PCDHA13: variants seen among roughly 807,000 people sequenced by gnomAD.
The protein encoded by PCDHA13 is protocadherin alpha 13.
In PCDHA13, 54 loss-of-function variants were observed where a neutral mutation model predicts 64.8. That is an observed-to-expected ratio of 0.83 (90% CI 0.67 to 1.04). PCDHA13 has a LOEUF of 1.04. PCDHA13 is among the 50% of genes least tolerant of loss of function. PCDHA13 has a pLI of 0.00. For missense variants in PCDHA13, 1,248 were observed against 1,254.3 expected (o/e 0.99, Z 0.08); for synonymous variants, 587 against 564.4 (o/e 1.04, Z -0.57).
chr5:140,927,486 C>T (rs782314357), intron 1 of PCDHA13: 11 of 1,614,010 alleles, frequency 6.8e-6, no homozygotes, highest in Non-Finnish European at 8.5e-6. Flanking sequence ...AGCGCGCCAC[C>T]CACCTGCTGG....
chr5:140,924,052 A>G (rs948483906), intron 1 of PCDHA13, among the ~76,000 whole-genome samples: 1 of 152,244 alleles, frequency 6.6e-6, no homozygotes, highest in Non-Finnish European at 1.5e-5. Context: ...AGTTCGGTAC[A>G]TCTTTACAGT....
intron 1 of PCDHA13, among the ~76,000 whole-genome samples, chr5:140,920,933 C>G (rs1293177470): frequency 6.6e-6 from 1 of 151,360 alleles, no homozygotes; most frequent in Non-Finnish European, 1.5e-5. Flanking sequence ...GGTGATCTAG[C>G]CCTTTCATTC....
intron 1 of PCDHA13, among the ~76,000 whole-genome samples, chr5:140,912,042 A>G (rs782622902): frequency 6.6e-6 from 1 of 152,216 alleles, no homozygotes; most frequent in African/African-American, 2.4e-5. Flanking sequence ...CCAAGTCCCA[A>G]AGCTGAAGAA....
intron 1 of PCDHA13, among the ~76,000 whole-genome samples, chr5:140,897,068 T>A (rs2153455202): frequency 6.6e-6 from 1 of 152,252 alleles, no homozygotes; most frequent in East Asian, 1.9e-4. Context: ...CTATGTCTTA[T>A]TCATTTTTTC....
At chr5:140,927,471 C>A (rs1371582285) in intron 1 of PCDHA13, 2 of 1,613,968 alleles carry the variant, frequency 1.2e-6, no homozygotes, top group African/African-American at 1.3e-5. Flanking sequence ...CACTGGATCG[C>A]GAACAGCGCG....
At chr5:140,959,607 C>T (rs2095500489) in intron 1 of PCDHA13, among the ~76,000 whole-genome samples, 1 of 151,986 alleles carries the variant, frequency 6.6e-6, no homozygotes, top group African/African-American at 2.4e-5. Flanking sequence ...ACATGCTTTT[C>T]TTGCTTGTGA....
chr5:140,965,821 C>T (rs782710036), intron 1 of PCDHA13, among the ~76,000 whole-genome samples: 9 of 152,150 alleles, frequency 5.9e-5, no homozygotes, highest in Non-Finnish European at 1.0e-4. Flanking sequence ...GCATTTTAAA[C>T]ATTTAAATAT....
intron 2 of PCDHA13, among the ~76,000 whole-genome samples, chr5:140,981,925 T>C (rs2096957903): frequency 1.3e-5 from 2 of 152,160 alleles, no homozygotes; most frequent in South Asian, 2.1e-4. Flanking sequence ...CAAGTTTCTC[T>C]AGTCTCAGGA....
intron 1 of PCDHA13, among the ~76,000 whole-genome samples, chr5:140,936,014 T>C (rs1405282987): frequency 4.0e-5 from 6 of 151,334 alleles, no homozygotes; most frequent in Non-Finnish European, 8.8e-5. Flanking sequence ...CACCTCAGCC[T>C]CCCGAGTAGC....
chr5:140,981,940 T>A (rs2096958372), intron 2 of PCDHA13, among the ~76,000 whole-genome samples: 1 of 152,160 alleles, frequency 6.6e-6, no homozygotes, highest in Non-Finnish European at 1.5e-5. Flanking sequence ...TCAGGAAATA[T>A]AGGGTGGGTC....
At chr5:140,893,229 G>A (rs922723551) in intron 1 of PCDHA13, among the ~76,000 whole-genome samples, 3 of 152,212 alleles carry the variant, frequency 2.0e-5, no homozygotes, top group Non-Finnish European at 4.4e-5. Context: ...GTATCACTTT[G>A]ACATACTGGT....
chr5:140,929,613 C>A, intron 1 of PCDHA13: 6 of 406,162 alleles, frequency 1.5e-5, no homozygotes, highest in Non-Finnish European at 2.7e-5. Flanking sequence ...AATAAAATAC[C>A]AAAATATTTT....
intron 1 of PCDHA13, among the ~76,000 whole-genome samples, chr5:140,934,446 A>G (rs527371307): frequency 2.0e-5 from 3 of 152,188 alleles, no homozygotes; most frequent in Non-Finnish European, 4.4e-5. Context: ...ATAGTGAAAA[A>G]TGCAAATAAT....
chr5:140,999,822 T>C (rs1389164136), intron 3 of PCDHA13, among the ~76,000 whole-genome samples: 3 of 152,222 alleles, frequency 2.0e-5, no homozygotes, highest in Non-Finnish European at 4.4e-5. Context: ...GAGCTGTGGC[T>C]TTAAAAATAT....
At chr5:140,966,712 T>C (rs2153748592) in intron 1 of PCDHA13, 2 of 1,392,090 alleles carry the variant, frequency 1.4e-6, no homozygotes, top group Middle Eastern at 2.7e-4. Flanking sequence ...GGGGCACGGC[T>C]GGGGAAGCTG....
intron 1 of PCDHA13, among the ~76,000 whole-genome samples, chr5:140,978,211 A>T (rs185344384): frequency 1.3e-5 from 2 of 152,340 alleles, no homozygotes; most frequent in African/African-American, 4.8e-5. Flanking sequence ...AACTAATGCA[A>T]AATGTATCAG....
At chr5:140,909,502 G>A (rs1583705871) in intron 1 of PCDHA13, among the ~76,000 whole-genome samples, 2 of 152,180 alleles carry the variant, frequency 1.3e-5, no homozygotes. Flanking sequence ...CGGGGATGTG[G>A]TGGGAATCAC....
At chr5:140,968,770 A>G in intron 1 of PCDHA13, 2 of 1,614,216 alleles carry the variant, frequency 1.2e-6, no homozygotes, top group Non-Finnish European at 1.7e-6. Context: ...ATGGAGAGCC[A>G]TCACTATCAG....
At chr5:140,917,327 G>T (rs1219338384) in intron 1 of PCDHA13, among the ~76,000 whole-genome samples, 1 of 149,420 alleles carries the variant, frequency 6.7e-6, no homozygotes, top group Non-Finnish European at 1.5e-5. Context: ...CATGTGGCGG[G>T]GGAGGGGGGG....
Sources: allele counts gnomAD v4.1 joint callset (sites outside exome capture counted in the v4.1 genomes callset), GRCh38; gene constraint gnomAD v4.1.1; transcripts MANE v1.5; gene names NCBI Gene and HGNC (gene_info 2026-07-23, HGNC 2026-07-21).